INO80C: variants seen among roughly 807,000 people sequenced by gnomAD.
INO80C encodes IES6 homolog.
A neutral mutation model predicts 17.7 loss-of-function variants in INO80C; 17 were observed. The observed-to-expected ratio is 0.96, with a 90% confidence interval of 0.66 to 1.44. The LOEUF is 1.44. Ranked by LOEUF, INO80C falls within the 40% of genes most tolerant of loss-of-function variation. The pLI is 0.00. For missense variants in INO80C, 244 were observed against 245.0 expected (o/e 1.00, Z 0.03); for synonymous variants, 96 against 95.8 (o/e 1.00, Z -0.01).
chr18:35,472,353 G>A (rs373189261), intron 4 of INO80C, among the ~76,000 whole-genome samples: 1 of 152,228 alleles, frequency 6.6e-6, no homozygotes. Context: ...CTGATGGCCA[G>A]TGATGATGAG....
At chr18:35,497,662 C>G in intron 1 of INO80C, 57 bp downstream of exon 1, 1 of 1,568,268 alleles carries the variant, frequency 6.4e-7, no homozygotes, top group South Asian at 1.2e-5. Flanking sequence ...CTCGGCTCCG[C>G]CCCGCCAAGT....
intron 4 of INO80C, among the ~76,000 whole-genome samples, chr18:35,471,089 C>T (rs150614432): frequency 1.1e-3 from 160 of 152,358 alleles, no homozygotes; most frequent in African/African-American, 3.7e-3. Context: ...GAAAGAGTCA[C>T]ATGGCTGGCT....
chr18:35,482,981 A>G (rs2045831460), intron 1 of INO80C, among the ~76,000 whole-genome samples: 1 of 152,172 alleles, frequency 6.6e-6, no homozygotes, highest in African/African-American at 2.4e-5. Flanking sequence ...GAACAAATTC[A>G]GGCCTCCTCT....
At chr18:35,496,572 T>C (rs1402458527) in intron 1 of INO80C, among the ~76,000 whole-genome samples, 1 of 152,182 alleles carries the variant, frequency 6.6e-6, no homozygotes, top group Non-Finnish European at 1.5e-5. Flanking sequence ...TTTGTTTTGT[T>C]TTGTTTGCGA....
chr18:35,487,421 C>A, intron 1 of INO80C: 1 of 386,878 alleles, frequency 2.6e-6, no homozygotes, highest in Admixed American at 2.9e-5. Context: ...ACAATCATGG[C>A]GGAAGGCAAG....
chr18:35,470,703 T>G (rs897702355), intron 4 of INO80C, among the ~76,000 whole-genome samples: 1 of 152,136 alleles, frequency 6.6e-6, no homozygotes, highest in Non-Finnish European at 1.5e-5. Context: ...CAGTGCAGAA[T>G]ACAGAGATCC....
intron 2 of INO80C, among the ~76,000 whole-genome samples, chr18:35,480,139 A>G (rs938291505): frequency 6.6e-6 from 1 of 152,202 alleles, no homozygotes. Flanking sequence ...ATTTAGCTAA[A>G]TATTTCAAGC....
At chr18:35,495,198 G>A (rs148687602) in intron 1 of INO80C, among the ~76,000 whole-genome samples, 12 of 152,256 alleles carry the variant, frequency 7.9e-5, no homozygotes, top group Admixed American at 3.3e-4. Context: ...GGAGGCCAAT[G>A]TGGGCAGATT....
At chr18:35,482,963 G>A (rs2144059635) in intron 1 of INO80C, among the ~76,000 whole-genome samples, 1 of 152,252 alleles carries the variant, frequency 6.6e-6, no homozygotes, top group African/African-American at 2.4e-5. Context: ...TACTTCCCTT[G>A]GGATTAGGAA....
intron 3 of INO80C, 27 bp downstream of exon 3, chr18:35,479,273 A>T (rs1466676020): frequency 2.2e-6 from 3 of 1,382,218 alleles, no homozygotes; most frequent in East Asian, 2.3e-5. Context: ...AACATTACAA[A>T]CACATGGAAG....
intron 1 of INO80C, chr18:35,497,018 A>G (rs1159290997): frequency 1.3e-5 from 2 of 152,256 alleles, no homozygotes; most frequent in African/African-American, 4.8e-5. Flanking sequence ...GCTGAGGAGC[A>G]CAAAGTAACA....
At chr18:35,491,500 T>C (rs2045932622) in intron 1 of INO80C, among the ~76,000 whole-genome samples, 1 of 152,076 alleles carries the variant, frequency 6.6e-6, no homozygotes, top group South Asian at 2.1e-4. Flanking sequence ...CTGAGCCACA[T>C]CATACCAGTG....
intron 1 of INO80C, chr18:35,497,485 A>C: frequency 7.5e-7 from 1 of 1,327,450 alleles, no homozygotes; most frequent in East Asian, 3.4e-5. Flanking sequence ...ATTAATACTA[A>C]GTCAGTAATA....
chr18:35,478,513 T>C (rs186555962), intron 3 of INO80C, among the ~76,000 whole-genome samples, 164 bp from the exon 4 acceptor site: 92 of 152,206 alleles, frequency 6.0e-4, no homozygotes, highest in African/African-American at 2.1e-3. Flanking sequence ...AGGGGAGGAT[T>C]CTCAGAAACA....
intron 1 of INO80C, among the ~76,000 whole-genome samples, chr18:35,496,332 T>C (rs1404955101): frequency 6.6e-6 from 1 of 152,236 alleles, no homozygotes; most frequent in Non-Finnish European, 1.5e-5. Flanking sequence ...AAAAGGAACC[T>C]AGACAGATGC....
rs2045777857 is a variant in INO80C, at chr18:35,479,376, C to T, written c.303G>A (p.Lys101=). Residue 101 remains lysine, a synonymous_variant, in exon 3 of 5, where the codon AAG becomes AAA. Coordinates refer to ENST00000334598, the MANE Select transcript of INO80C (RefSeq NM_194281.4). The stretch of plus-strand genomic sequence containing the variant: ...GTTTCAGGTTCTTCCAGGTTCTGTT[C>T]TTCTTGCCAGCTACTGCGCCACCGT... ...SGHGGAVAGK[K]NRTWKNLKQI... The T allele has an allele frequency of 4.3e-6, 7 of 1,614,074 alleles. No homozygotes were observed. The highest frequency in any genetic ancestry group is 5.1e-6 in the Non-Finnish European group (6 of 1,179,982).
chr18:35,475,990 G>A (rs996488051), intron 4 of INO80C, among the ~76,000 whole-genome samples: 1 of 152,148 alleles, frequency 6.6e-6, no homozygotes, highest in African/African-American at 2.4e-5. Flanking sequence ...AAGAATGAGA[G>A]AGTGGAATTA....
chr18:35,480,091 T>C (rs1231006862), intron 2 of INO80C, among the ~76,000 whole-genome samples: 2 of 152,208 alleles, frequency 1.3e-5, no homozygotes, highest in Non-Finnish European at 2.9e-5. Context: ...CACAACAGCT[T>C]GGATTTACCT....
At chr18:35,496,304 C>G (rs1416880322) in intron 1 of INO80C, among the ~76,000 whole-genome samples, 1 of 152,194 alleles carries the variant, frequency 6.6e-6, no homozygotes, top group African/African-American at 2.4e-5. Flanking sequence ...CTAAACGACT[C>G]TCAAAAACAT....
Sources: allele counts gnomAD v4.1 joint callset (sites outside exome capture counted in the v4.1 genomes callset), GRCh38; gene constraint gnomAD v4.1.1; transcripts MANE v1.5; gene names NCBI Gene and HGNC (gene_info 2026-07-23, HGNC 2026-07-21).